The following MECOM variants were observed in gnomAD, a reference collection of about 807,000 sequenced individuals.
MECOM encodes the protein MDS1 and EVI1 complex locus.
In MECOM, 13 loss-of-function variants were observed where a neutral mutation model predicts 116.3. That is an observed-to-expected ratio of 0.11 (90% CI 0.07 to 0.18). The LOEUF is 0.18. MECOM is among the 10% of genes least tolerant of loss of function. The pLI is 1.00. For synonymous variants in MECOM, 528 were observed against 535.2 expected (o/e 0.99, Z 0.19); for missense variants, 1,299 against 1,509.0 (o/e 0.86, Z 2.31).
chr3:169,229,128 A>G (rs1753084227), intron 2 of MECOM, among the ~76,000 whole-genome samples: 1 of 152,218 alleles, frequency 6.6e-6, no homozygotes, highest in Non-Finnish European at 1.5e-5. Flanking sequence ...ACTTACAGTA[A>G]AATCTTCCAG....
chr3:169,206,508 T>G lies in MECOM; in HGVS notation c.376-62676A>C, dbSNP rs571886558. Among the ~76,000 whole-genome samples the G allele has an allele frequency of 2.0e-5, 3 of 152,154 alleles. No homozygotes were observed. The South Asian group carries it at 6.2e-4, about 32-fold the overall frequency. ...GGCTCATGCCTGTAATCCCAGCACT[T>G]TGGGAGGATGACGCGGGCAGATTGC... On this transcript the variant is annotated intron_variant, in intron 2 of 16. Transcript: ENST00000651503.
chr3:169,406,711 T>C (rs1175348143), intron 1 of MECOM, among the ~76,000 whole-genome samples: 4 of 152,158 alleles, frequency 2.6e-5, no homozygotes, highest in South Asian at 2.1e-4. Flanking sequence ...ACAGTCCCAT[T>C]TGACAGATTT....
chr3:169,212,503 A>G (rs1750858031), intron 2 of MECOM, among the ~76,000 whole-genome samples: 1 of 150,990 alleles, frequency 6.6e-6, no homozygotes, highest in Non-Finnish European at 1.5e-5. Context: ...TTAACAAATG[A>G]CTACTTGCCC....
At chr3:169,539,052 G>A (rs1759741428) in intron 1 of MECOM, among the ~76,000 whole-genome samples, 1 of 151,580 alleles carries the variant, frequency 6.6e-6, no homozygotes, top group African/African-American at 2.4e-5. Flanking sequence ...GAAATAGAGG[G>A]CACCTGAAAC....
chr3:169,162,525 TTCA>T (rs1172739501), intron 2 of MECOM, among the ~76,000 whole-genome samples: 3 of 152,150 alleles, frequency 2.0e-5, no homozygotes, highest in Non-Finnish European at 2.9e-5. Flanking sequence ...CCTGCTGTCA[TTCA>T]AAAGATAGGC....
In MECOM at chr3:169,483,721, G is replaced by T. The variant is rs1198983906; in HGVS notation, c.38-102197C>A. 7 of 1,586,692 alleles carry T rather than the reference G, an allele frequency of 4.4e-6. No individual in the cohort carries two copies. In the African/African-American group the frequency reaches 9.5e-5, roughly 22 times the overall value. On this transcript the variant is annotated intron_variant, in intron 1 of 16. Coordinates refer to ENST00000651503, the MANE Select transcript of MECOM (RefSeq NM_004991.4). ...TCGTCCTGGTTAATCTGGAAGTAAC[G>T]TAATTCGTAACTCTCTTTGCTGTTA...
chr3:169,328,774 G>C (rs570190971), intron 2 of MECOM, among the ~76,000 whole-genome samples: 2 of 152,114 alleles, frequency 1.3e-5, no homozygotes, highest in African/African-American at 4.8e-5. Context: ...TCAGTTGTAT[G>C]GGAAAACAAG....
chr3:169,097,338 C>A (rs985377149), intron 12 of MECOM, among the ~76,000 whole-genome samples: 1 of 151,942 alleles, frequency 6.6e-6, no homozygotes, highest in South Asian at 2.1e-4. Flanking sequence ...AAAGTCTTGG[C>A]CAGAAAAAGA....
intron 1 of MECOM, among the ~76,000 whole-genome samples, chr3:169,413,988 C>T (rs917636310): frequency 6.6e-6 from 1 of 152,236 alleles, no homozygotes; most frequent in Admixed American, 6.5e-5. Flanking sequence ...TTCCTGCCTG[C>T]CTGCTCTGAA....
chr3:169,642,806 A>G (rs1410195297), intron 1 of MECOM, among the ~76,000 whole-genome samples: 1 of 152,176 alleles, frequency 6.6e-6, no homozygotes, highest in African/African-American at 2.4e-5. Flanking sequence ...TATCAAAAAA[A>G]AAAAATCAGT....
intron 1 of MECOM, among the ~76,000 whole-genome samples, chr3:169,538,224 C>A (rs1759621448): frequency 2.0e-5 from 3 of 152,202 alleles, no homozygotes; most frequent in East Asian, 1.9e-4. Context: ...CAGATAAAAT[C>A]TCTTACTGCC....
At chr3:169,120,965 C>G in intron 7 of MECOM, 91 bp downstream of exon 7, 3 of 1,396,422 alleles carry the variant, frequency 2.1e-6, no homozygotes, top group Admixed American at 2.3e-5. Flanking sequence ...CGGTGACCCT[C>G]TAAAGGCCAT....
At chr3:169,318,997 G>A (rs1720330865) in intron 2 of MECOM, among the ~76,000 whole-genome samples, 1 of 151,668 alleles carries the variant, frequency 6.6e-6, no homozygotes, top group African/African-American at 2.4e-5. Flanking sequence ...TACTCGGGAG[G>A]TGAGGCAGGA....
At chr3:169,479,625 C>T (rs938656213) in intron 1 of MECOM, among the ~76,000 whole-genome samples, 12 of 129,534 alleles carry the variant, frequency 9.3e-5, no homozygotes, top group Admixed American at 9.0e-4. Context: ...GTGAATGAAA[C>T]GTCTCATTTT....
chr3:169,202,264 A>C (rs1559986459), intron 2 of MECOM, among the ~76,000 whole-genome samples: 1 of 152,176 alleles, frequency 6.6e-6, no homozygotes, highest in East Asian at 1.9e-4. Context: ...ATTTAGAGTC[A>C]GAGTATTTTT....
At chr3:169,134,564 A>G (rs754563590) in intron 3 of MECOM, among the ~76,000 whole-genome samples, 4 of 152,220 alleles carry the variant, frequency 2.6e-5, no homozygotes, top group African/African-American at 7.2e-5. Context: ...ATGCTTCCCC[A>G]TATAGCAATA....
chr3:169,275,089 C>T (rs188166518), intron 2 of MECOM, among the ~76,000 whole-genome samples: 9 of 152,246 alleles, frequency 5.9e-5, no homozygotes, highest in Non-Finnish European at 8.8e-5. Context: ...CATTGAAGTC[C>T]TTTTACCTGA....
chr3:169,433,813 G>A (rs1403185804), intron 1 of MECOM, among the ~76,000 whole-genome samples: 1 of 152,190 alleles, frequency 6.6e-6, no homozygotes, highest in African/African-American at 2.4e-5. Context: ...CTTGTCCCCA[G>A]AGATTTACTG....
intron 1 of MECOM, among the ~76,000 whole-genome samples, chr3:169,633,131 T>A (rs1772291986): frequency 1.3e-5 from 2 of 152,134 alleles, no homozygotes; most frequent in Non-Finnish European, 2.9e-5. Flanking sequence ...TTTTTTTTAA[T>A]CACAAAACAG....
Sources: allele counts gnomAD v4.1 joint callset (sites outside exome capture counted in the v4.1 genomes callset), GRCh38; gene constraint gnomAD v4.1.1; transcripts MANE v1.5; gene names NCBI Gene and HGNC (gene_info 2026-07-23, HGNC 2026-07-21).